The following RNASEH2B variants were observed in gnomAD, a reference collection of about 807,000 sequenced individuals.
The protein encoded by RNASEH2B is Aicardi-Goutieres syndrome 2 protein.
Under a neutral mutation model 45.0 loss-of-function variants are expected in RNASEH2B, and 36 were observed. That is an observed-to-expected ratio of 0.80 (90% confidence interval 0.61 to 1.06). RNASEH2B has a LOEUF of 1.06. Ranked by LOEUF, RNASEH2B falls within the 50% of genes least tolerant of loss-of-function variation. The probability of loss-of-function intolerance (pLI) is 0.00; values close to 1 mark genes in which losing one functional copy is unlikely to be tolerated. For missense variants in RNASEH2B, 361 were observed against 360.3 expected (o/e 1.00, Z -0.02); for synonymous variants, 119 against 125.7 (o/e 0.95, Z 0.35).
In RNASEH2B at chr13:50,947,386, AGTGTGTGTGTGT is replaced by A. The variant is rs34501133; in HGVS notation, c.617-574_617-563del. On this transcript the variant is annotated intron_variant, in intron 7 of 10. Transcript: ENST00000336617. ...AGTTTAAGTATTTTATTAGTTTGGG[AGTGTGTGTGTGT>A]GTGTGTGTGTGTGTGTGTGTGTGTG... is the stretch of plus-strand genomic sequence containing the variant. Among the ~76,000 whole-genome samples the A allele has an allele frequency of 4.4e-3, 645 of 145,984 alleles. 5 individuals carry two copies. Among genetic ancestry groups the A allele is most frequent in the African/African-American group, 0.014 (569 of 39,550 alleles).
chr13:50,909,759 C>G (rs1196945013), upstream of RNASEH2B: 2 of 260,946 alleles, frequency 7.7e-6, no homozygotes, highest in East Asian at 7.5e-5. Flanking sequence ...CCGCGTCACT[C>G]GGCGCCCTGC....
rs1447829529 is a variant in RNASEH2B, at chr13:50,948,027, C to T, written c.657C>T (p.Tyr219=). The change falls in exon 8 of 11, where the codon TAC becomes TAT. Residue 219 remains tyrosine (Y), a synonymous_variant. Coordinates refer to ENST00000336617, the MANE Select transcript of RNASEH2B (RefSeq NM_024570.4). ...IRYAHGLISD[Y]IPKELSDDLS... ...ATGCCCATGGTCTGATATCTGACTA[C>T]ATCCCTAAAGAATTAAGTGATGACT... is the stretch of plus-strand genomic sequence containing the variant. 6.2e-7 allele frequency: 1 copy of T among 1,611,396 alleles called. No individual in the cohort carries two copies. Among genetic ancestry groups the T allele is most frequent in the Non-Finnish European group, 8.5e-7 (1 of 1,179,146 alleles).
rs1187215989 is a variant in RNASEH2B at position 50,913,253 on chromosome 13, A to T, written c.64+3113A>T. On this transcript the variant is annotated intron_variant, in intron 1 of 10. Transcript: ENST00000336617. ...ATTACTTTACTTTTTGGAAAGTAGT[A>T]TAAGTTTCCATCCCTCTTTTTCTGC... The T allele has an allele frequency of 3.9e-5, 6 of 152,350 alleles. No homozygotes were observed. In the East Asian group the frequency reaches 1.2e-3, roughly 29 times the overall value. 9.4% of individuals were successfully genotyped at this position (152,350 alleles called of 1,614,324 possible).
chr13:50,960,338 A>G (rs911514543), downstream of RNASEH2B, among the ~76,000 whole-genome samples: 2 of 152,062 alleles, frequency 1.3e-5, no homozygotes, highest in African/African-American at 4.8e-5. Flanking sequence ...CACCTCTTTT[A>G]TTATATATTT....
intron 8 of RNASEH2B, 150 bp from the exon 9 acceptor site, chr13:50,949,313 C>T (rs894084846): frequency 6.4e-5 from 44 of 683,132 alleles, no homozygotes; most frequent in Non-Finnish European, 7.9e-6. Flanking sequence ...AACTTTCATT[C>T]TTTACACTGA....
chr13:50,937,523 A>AT (rs1474194864), intron 5 of RNASEH2B: 8 of 152,148 alleles, frequency 5.3e-5, no homozygotes, highest in Non-Finnish European at 1.2e-4. Context: ...CACCATGCCC[A>AT]TTCTCAAAAA....
chr13:50,950,523 A>G (rs1377198010), intron 9 of RNASEH2B: 1 of 152,342 alleles, frequency 6.6e-6, no homozygotes, highest in East Asian at 1.9e-4. Context: ...TGTAAGATCT[A>G]AGGACTGCTC....
chr13:50,924,442 CAT>C (rs1951564786), intron 1 of RNASEH2B, among the ~76,000 whole-genome samples: 1 of 152,140 alleles, frequency 6.6e-6, no homozygotes, highest in Admixed American at 6.5e-5. Context: ...TTACTAGACA[CAT>C]AACAGTCTAT....
intron 5 of RNASEH2B, 74 bp from the exon 6 acceptor site, chr13:50,943,247 A>G (rs1951854738): frequency 2.3e-6 from 2 of 852,030 alleles, no homozygotes; most frequent in Non-Finnish European, 3.9e-6. Flanking sequence ...TAAATGGTTA[A>G]CTTGTATATG....
At chr13:50,913,452 G>A (rs541662824) in intron 1 of RNASEH2B, among the ~76,000 whole-genome samples, 1 of 150,922 alleles carries the variant, frequency 6.6e-6, no homozygotes, top group Non-Finnish European at 1.5e-5. Context: ...TCATCTCCAA[G>A]GAAATGTTAA....
chr13:50,960,238 A>T (rs1180318310), downstream of RNASEH2B: 1 of 625,146 alleles, frequency 1.6e-6, no homozygotes, highest in South Asian at 8.2e-5. Context: ...TAATGGAAAA[A>T]TTTTCCATTT....
intron 9 of RNASEH2B, among the ~76,000 whole-genome samples, chr13:50,969,479 T>C (rs1217234060): frequency 1.4e-5 from 2 of 144,980 alleles, no homozygotes; most frequent in Non-Finnish European, 3.0e-5. Context: ...TACATTGGAG[T>C]CTACACAAGG....
chr13:50,957,879 A>G (rs758572793), downstream of RNASEH2B, among the ~76,000 whole-genome samples: 8 of 151,986 alleles, frequency 5.3e-5, no homozygotes, highest in African/African-American at 1.2e-4. Context: ...GTTTTTTAAT[A>G]TGTTTGTGAT....
At chr13:50,960,311 ATTCT>A (rs1286680301), downstream of RNASEH2B, 2 of 348,864 alleles carry the variant, frequency 5.7e-6, no homozygotes, top group Admixed American at 4.7e-5. Context: ...ATTGCATGCA[ATTCT>A]TTCTAATAGT....
chr13:50,919,580 A>T (rs1305295382), intron 1 of RNASEH2B, among the ~76,000 whole-genome samples: 1 of 152,144 alleles, frequency 6.6e-6, no homozygotes, highest in African/African-American at 2.4e-5. Flanking sequence ...GAGAGGGAAA[A>T]TTTTAAATGT....
chr13:50,946,202 T>C (rs1951899176), intron 7 of RNASEH2B, among the ~76,000 whole-genome samples: 1 of 152,250 alleles, frequency 6.6e-6, no homozygotes, highest in Non-Finnish European at 1.5e-5. Context: ...TATTTTTATA[T>C]GTATAGTTGA....
rs542801814 is a variant in RNASEH2B at position 50,917,287 on chromosome 13, G to T, written c.64+7147G>T. ...AGCTACCACGTCGTTTCACCAGTGG[G>T]ACTCTGAGCTCTGGCCAGAAACCTC... On this transcript the variant is annotated intron_variant, in intron 1 of 10. Transcript: ENST00000336617. 1.8e-4 allele frequency among the ~76,000 whole-genome samples: 27 copies of T among 152,324 alleles called. No individual in the cohort carries two copies. The South Asian group carries it at 5.4e-3, about 30-fold the overall frequency.
At chr13:50,958,761 A>G (rs1404376437), downstream of RNASEH2B, among the ~76,000 whole-genome samples, 2 of 152,204 alleles carry the variant, frequency 1.3e-5, no homozygotes, top group African/African-American at 4.8e-5. Flanking sequence ...TTTAATAACC[A>G]TGATCCTGTT....
At chr13:50,923,360 G>A (rs1951548987) in intron 1 of RNASEH2B, among the ~76,000 whole-genome samples, 1 of 152,122 alleles carries the variant, frequency 6.6e-6, no homozygotes, top group Non-Finnish European at 1.5e-5. Flanking sequence ...ATAAACTCAA[G>A]GAGATCCATA....
Sources: allele counts gnomAD v4.1 joint callset (sites outside exome capture counted in the v4.1 genomes callset), GRCh38; gene constraint gnomAD v4.1.1; transcripts MANE v1.5; gene names NCBI Gene and HGNC (gene_info 2026-07-23, HGNC 2026-07-21).